SLC29A4: variants seen among roughly 807,000 people sequenced by gnomAD.
The protein encoded by SLC29A4 is equilibrative nucleoside transporter 4.
SLC29A4 carries 36 observed loss-of-function variants against 43.9 expected under a neutral mutation model. That is an observed-to-expected ratio of 0.82 (90% CI 0.63 to 1.08). The LOEUF is 1.08. Among genes scored for constraint, SLC29A4 ranks in the 50% least tolerant of loss-of-function variants. The pLI is 0.00. For missense variants in SLC29A4, 869 were observed against 755.3 expected (o/e 1.15, Z -1.77); for synonymous variants, 491 against 338.0 (o/e 1.45, Z -4.97).
In SLC29A4 at chr7:5,299,124, G is replaced by C; in HGVS notation, c.1019G>C (p.Arg340Thr). 1 of 1,610,106 alleles carries C rather than the reference G, an allele frequency of 6.2e-7. No homozygotes were observed. The highest frequency in any genetic ancestry group is 8.5e-7 in the Non-Finnish European group (1 of 1,178,834). ...PRVQRSWPTF[R>T]ALLLHRYVVA... ...GTCCAGCGCAGCTGGCCCACCTTCA[G>C]AGGTGAGTGCGGGGAGTCCTCTGCT... The change falls in exon 8 of 11, where the codon AGA (arginine) becomes ACA (threonine). Residue 340 changes from arginine to threonine, a missense_variant and splice_region_variant. Transcript: ENST00000396872.
At position 5,291,122 on chromosome 7, in the gene SLC29A4, A is replaced by G; in HGVS notation, c.302-2A>G. 6.2e-7 allele frequency: 1 copy of G among 1,613,598 alleles called. No individual in the cohort carries two copies. The highest frequency in any genetic ancestry group is 8.5e-7 in the Non-Finnish European group (1 of 1,179,898). Reference sequence around the variant, plus strand: ...GCACCTGCTGTCTCTGGCCCTCTGCAGGGACCTCCATCGTGTTTGACATGA... The same window carrying G: ...GCACCTGCTGTCTCTGGCCCTCTGCGGGGACCTCCATCGTGTTTGACATGA... On this transcript the variant is annotated splice_acceptor_variant, in intron 3 of 10. Coordinates refer to ENST00000396872, the MANE Select transcript of SLC29A4 (RefSeq NM_153247.4). LOFTEE classifies it high-confidence loss of function.
chr7:5,287,192 G>A (rs1322850183), intron 1 of SLC29A4, among the ~76,000 whole-genome samples: 3 of 152,296 alleles, frequency 2.0e-5, no homozygotes, highest in Non-Finnish European at 2.9e-5. Flanking sequence ...TTGGGAGGCC[G>A]AGGCAGGAGT....
Position 5,296,785 on chromosome 7 carries a change from G to T in SLC29A4, c.620-151G>T, listed in dbSNP as rs1785703853. The T allele has an allele frequency of 4.6e-6, 4 of 873,196 alleles. No individual in the cohort carries two copies. The Admixed American group carries it at 1.4e-4, about 31-fold the overall frequency. The allele number at this position is 873,196 out of a possible 1,614,324, so 54.1% of individuals were successfully genotyped here. The stretch of plus-strand genomic sequence containing the variant: ...CCTGTGGGTGGGGGCAGGGCCTGTG[G>T]TGGAGGGCGGGGCCTGTGGGTGGGG... On this transcript the variant is annotated intron_variant, in intron 6 of 10. Transcript: ENST00000396872.
Position 5,290,805 on chromosome 7 carries a change from C to T in SLC29A4, c.243C>T (p.Phe81=), listed in dbSNP as rs201204636. The change falls in exon 3 of 11, where the codon TTC becomes TTT. Residue 81 remains phenylalanine, a synonymous_variant. Coordinates refer to ENST00000396872, the MANE Select transcript of SLC29A4 (RefSeq NM_153247.4). The stretch of plus-strand genomic sequence containing the variant: ...CGATGCTGCTGGCTGGCGTGGGCTT[C>T]CTGCTGCCATACAACAGCTTCATCA... The part of the protein sequence containing the change: ...YFAMLLAGVG[F]LLPYNSFITD... The T allele has an allele frequency of 5.2e-4, 841 of 1,614,078 alleles. 10 individuals carry two copies. The East Asian group carries it at 0.017, about 33-fold the overall frequency.
At chr7:5,296,719 G>C (rs868844260) in intron 6 of SLC29A4, among the ~76,000 whole-genome samples, 4 of 146,346 alleles carry the variant, frequency 2.7e-5, no homozygotes, top group African/African-American at 5.1e-5. Context: ...TTGCGGGAGT[G>C]GGGTGGTGGC....
chr7:5,296,384 G>T (rs1400930135), intron 6 of SLC29A4, among the ~76,000 whole-genome samples: 1 of 150,798 alleles, frequency 6.6e-6, no homozygotes, highest in Non-Finnish European at 1.5e-5. Context: ...CCCCATGGTG[G>T]GGGTGTGTGA....
In SLC29A4 at chr7:5,304,968, C is replaced by T. The variant is rs1164692499; in HGVS notation, c.*2029C>T. 1.3e-5 allele frequency: 2 copies of T among 152,282 alleles called. No homozygotes were observed. Among genetic ancestry groups the T allele is most frequent in the Non-Finnish European group, 2.9e-5 (2 of 68,092 alleles). 9.4% of individuals were successfully genotyped at this position (152,282 alleles called of 1,614,324 possible). A position where few individuals can be genotyped will look rare whatever the true frequency, so the allele number is the denominator to read the frequency against. On this transcript the variant is annotated 3_prime_UTR_variant, in exon 11 of 11. Transcript: ENST00000396872. ...AATAGCTGTGAATACAGGCGCGTGC[C>T]ACCACGTCTGGCCAGATTCTTTTAT...
chr7:5,289,473 G>A (rs1785170055), intron 2 of SLC29A4, among the ~76,000 whole-genome samples: 1 of 152,172 alleles, frequency 6.6e-6, no homozygotes, highest in Admixed American at 6.6e-5. Flanking sequence ...GTCATGGACA[G>A]TCTGGAACCC....
intron 2 of SLC29A4, 118 bp from the exon 3 acceptor site, chr7:5,290,614 G>A (rs1007141603): frequency 2.0e-4 from 275 of 1,347,472 alleles, no homozygotes; most frequent in Non-Finnish European, 2.7e-4. Context: ...GGGAGCAGGG[G>A]TCACGGTGAT....
At chr7:5,288,789 C>T (rs1322244916) in intron 2 of SLC29A4, among the ~76,000 whole-genome samples, 3 of 152,140 alleles carry the variant, frequency 2.0e-5, no homozygotes, top group African/African-American at 2.4e-5. Flanking sequence ...CTTAGTTTCA[C>T]CACATTGAAG....
At position 5,299,054 on chromosome 7, in the gene SLC29A4, G is replaced by T; in HGVS notation, c.949G>T (p.Gly317Cys). 4 of 1,611,802 alleles carry T rather than the reference G, an allele frequency of 2.5e-6. No individual in the cohort carries two copies. Among genetic ancestry groups the T allele is most frequent in the Non-Finnish European group, 3.4e-6 (4 of 1,179,746 alleles). The change falls in exon 8 of 11, where the codon GGC becomes TGC. Residue 317 changes from glycine (G) to cysteine (C), a missense_variant. Transcript: ENST00000396872. ...PKDSPAHEVT[G>C]SGGAYMRFDV... ...GGACAGCCCAGCCCACGAGGTGACC[G>T]GCAGCGGCGGGGCCTACATGCGCTT... is the stretch of plus-strand genomic sequence containing the variant.
chr7:5,291,616 C>A, intron 4 of SLC29A4, 77 bp from the exon 5 acceptor site: 4 of 1,509,458 alleles, frequency 2.6e-6, no homozygotes, highest in Non-Finnish European at 3.6e-6. Flanking sequence ...CAGAGCGACT[C>A]TGCAGGAGGG....
intron 2 of SLC29A4, among the ~76,000 whole-genome samples, chr7:5,289,219 A>G (rs1319830755): frequency 6.6e-6 from 1 of 151,936 alleles, no homozygotes; most frequent in Non-Finnish European, 1.5e-5. Flanking sequence ...CAACCTGGCA[A>G]AATCTCGTCT....
At position 5,299,391 on chromosome 7, in the gene SLC29A4, C is replaced by T. The variant is rs753589472; in HGVS notation, c.1173C>T (p.Ile391=). The change falls in exon 9 of 11, where the codon ATC becomes ATT. Residue 391 remains isoleucine (I), a synonymous_variant. Coordinates refer to ENST00000396872, the MANE Select transcript of SLC29A4 (RefSeq NM_153247.4). ...CILGEWLPIL[I]MAVFNLSDFV... is the part of the protein sequence containing the mutation. ...TGGGCGAGTGGCTGCCCATCCTCAT[C>T]ATGGCTGTGTTCAACCTGTCAGACT... 26 of 1,612,128 alleles carry T rather than the reference C, an allele frequency of 1.6e-5. No individual in the cohort carries two copies. Among genetic ancestry groups the T allele is most frequent in the Non-Finnish European group, 1.9e-5 (23 of 1,179,750 alleles).
At position 5,296,993 on chromosome 7, in the gene SLC29A4, A is replaced by G. The variant is rs1785727576; in HGVS notation, c.677A>G (p.Asp226Gly). Reference sequence around the variant, plus strand: ...ATCCTCACGAAGCTGCTGCTGCCCGACGAGCGCGCCAGCACGCTCATCTTC... The same window carrying G: ...ATCCTCACGAAGCTGCTGCTGCCCGGCGAGCGCGCCAGCACGCTCATCTTC... ...SRILTKLLLP[D>G]ERASTLIFFL... The change falls in exon 7 of 11, where the codon GAC (aspartate) becomes GGC (glycine). Residue 226 changes from aspartate (D) to glycine (G), a missense_variant. By Grantham distance (94) the Asp-to-Gly change is moderately conservative (BLOSUM62 -1). Coordinates refer to ENST00000396872, the MANE Select transcript of SLC29A4 (RefSeq NM_153247.4). 6.2e-7 allele frequency: 1 copy of G among 1,603,132 alleles called. No homozygotes were observed. The highest frequency in any genetic ancestry group is 8.5e-7 in the Non-Finnish European group (1 of 1,179,448).
At chr7:5,293,449 C>T (rs1210620185) in intron 5 of SLC29A4, among the ~76,000 whole-genome samples, 2 of 152,146 alleles carry the variant, frequency 1.3e-5, no homozygotes, top group South Asian at 2.1e-4. Flanking sequence ...GGATTACAGG[C>T]GTGAGCCACT....
chr7:5,303,022 A>G lies in SLC29A4; in HGVS notation c.*83A>G. On this transcript the variant is annotated 3_prime_UTR_variant, in exon 11 of 11. Coordinates refer to ENST00000396872, the MANE Select transcript of SLC29A4 (RefSeq NM_153247.4). Reference sequence around the variant, plus strand: ...AGGGCCCCTCCCCTGTCCCCACCTCAGTGCCTGCGGGGCCCTGAGCCTCCC... The same window carrying G: ...AGGGCCCCTCCCCTGTCCCCACCTCGGTGCCTGCGGGGCCCTGAGCCTCCC... 6.7e-7 allele frequency: 1 copy of G among 1,487,144 alleles called. No individual in the cohort carries two copies. The highest frequency in any genetic ancestry group is 1.2e-5 in the South Asian group (1 of 82,260). 92.1% of individuals were successfully genotyped at this position (1,487,144 alleles called of 1,614,324 possible). A position where few individuals can be genotyped will look rare whatever the true frequency, so the allele number is the denominator to read the frequency against.
intron 1 of SLC29A4, among the ~76,000 whole-genome samples, chr7:5,285,551 T>C (rs923824755): frequency 9.9e-5 from 15 of 152,120 alleles, no homozygotes; most frequent in African/African-American, 3.1e-4. Flanking sequence ...AATTCTGTAG[T>C]GAGCTAGAAG....
In SLC29A4 at chr7:5,296,948, T is replaced by A. The variant is rs1169243927; in HGVS notation, c.632T>A (p.Val211Glu). The A allele has an allele frequency of 6.4e-7, 1 of 1,555,396 alleles. No individual in the cohort carries two copies. Among genetic ancestry groups the A allele is most frequent in the Non-Finnish European group, 8.7e-7 (1 of 1,150,352 alleles). ...GVMTGESTAGVMISLSRILTK... is the reference protein window; with the variant it reads ...GVMTGESTAGEMISLSRILTK... ...GCACGCCCCCCAGGCACGGCGGGCGTGATGATCTCTCTGAGCCGCATCCTC... is the reference window on the plus strand; with the variant it reads ...GCACGCCCCCCAGGCACGGCGGGCGAGATGATCTCTCTGAGCCGCATCCTC... Residue 211 changes from valine (V) to glutamate (E), a missense_variant, in exon 7 of 11, where the codon GTG becomes GAG. By Grantham distance (121) the Val-to-Glu change is moderately radical. Transcript: ENST00000396872.
Sources: allele counts gnomAD v4.1 joint callset (sites outside exome capture counted in the v4.1 genomes callset), GRCh38; gene constraint gnomAD v4.1.1; transcripts MANE v1.5; gene names NCBI Gene and HGNC (gene_info 2026-07-23, HGNC 2026-07-21).